NOL9: variants seen among roughly 807,000 people sequenced by gnomAD.
The protein encoded by NOL9 is polynucleotide 5'-hydroxyl-kinase NOL9.
Under a neutral mutation model 67.9 loss-of-function variants are expected in NOL9, and 28 were observed. That is an observed-to-expected ratio of 0.41 (90% CI 0.31 to 0.57). The LOEUF (loss-of-function observed/expected upper bound fraction) is 0.57. Among genes scored for constraint, NOL9 ranks in the 20% least tolerant of loss-of-function variants. The pLI is 0.25. For missense variants in NOL9, 777 were observed against 897.0 expected (o/e 0.87, Z 1.71); for synonymous variants, 356 against 352.2 (o/e 1.01, Z -0.12).
intron 6 of NOL9, among the ~76,000 whole-genome samples, chr1:6,541,307 G>A (rs895311733): frequency 8.6e-5 from 13 of 152,020 alleles, no homozygotes; most frequent in Admixed American, 2.0e-4. Flanking sequence ...TCAGCCTCCC[G>A]AGGAGCTGGG....
chr1:6,535,996 T>A (rs1411500044), intron 6 of NOL9, among the ~76,000 whole-genome samples: 4 of 151,274 alleles, frequency 2.6e-5, no homozygotes, highest in African/African-American at 9.7e-5. Flanking sequence ...TAAAAGAGCA[T>A]GGTCCAGACC....
At chr1:6,545,637 G>A (rs1338711447) in intron 3 of NOL9, among the ~76,000 whole-genome samples, 4 of 152,306 alleles carry the variant, frequency 2.6e-5, no homozygotes, top group Non-Finnish European at 5.9e-5. Flanking sequence ...GAAAGGAAGA[G>A]CAGGCCCTTG....
Position 6,528,076 on chromosome 1 carries a change from G to A in NOL9, c.1825+918C>T, listed in dbSNP as rs115420986. ...TGAAAATGCTTTTGAGAAATACAGT[G>A]TTGTCCAAATCTGAAATGTGCATTT... On this transcript the variant is annotated intron_variant, in intron 10 of 11. Transcript: ENST00000377705. Among the ~76,000 whole-genome samples the A allele has an allele frequency of 3.0e-3, 464 of 152,314 alleles. 3 individuals carry two copies. Among genetic ancestry groups the A allele is most frequent in the African/African-American group, 0.011 (453 of 41,570 alleles).
chr1:6,528,591 G>A (rs1638943422), intron 10 of NOL9, among the ~76,000 whole-genome samples: 1 of 152,218 alleles, frequency 6.6e-6, no homozygotes, highest in Non-Finnish European at 1.5e-5. Context: ...GGGATCCCAG[G>A]TCTGCATGCC....
chr1:6,522,491 A>G lies in NOL9; in HGVS notation c.*3363T>C, dbSNP rs1638791499. On this transcript the variant is annotated 3_prime_UTR_variant, in exon 12 of 12. Transcript: ENST00000377705. ...CTTGAACCCAGGAGGCAGAGGTTGC[A>G]GTGACCTGAGATCAGGCCACTGCAC... is the stretch of plus-strand genomic sequence containing the variant. The G allele has an allele frequency of 6.6e-6, 1 of 152,082 alleles. No individual in the cohort carries two copies. The highest frequency in any genetic ancestry group is 6.5e-5 in the Admixed American group (1 of 15,276). 9.4% of individuals were successfully genotyped at this position (152,082 alleles called of 1,614,324 possible).
rs1008885340 is a variant in NOL9 at position 6,529,078 on chromosome 1, A to G, written c.1741T>C (p.Cys581Arg). 2 of 1,614,168 alleles carry G rather than the reference A, an allele frequency of 1.2e-6. No individual in the cohort carries two copies. Among genetic ancestry groups the G allele is most frequent in the Non-Finnish European group, 1.7e-6 (2 of 1,180,028 alleles). The change falls in exon 10 of 12, where the codon TGC becomes CGC. Residue 581 changes from cysteine to arginine, a missense_variant. By Grantham distance (180) the Cys-to-Arg change is radical. Around this residue, in one of 2 missense-constraint regions of NOL9, gnomAD observed 413 missense variants for 552.6 expected, o/e 0.75. Transcript: ENST00000377705. ...CCTCTGACGTCATCCTGGATCTTGCAAAGACCAACCCAGCTGGCGTTTACA... is the reference window on the plus strand; with the variant it reads ...CCTCTGACGTCATCCTGGATCTTGCGAAGACCAACCCAGCTGGCGTTTACA... ...YAVNASWVGLCKIQDDVRGYT... is the reference protein window; with the variant it reads ...YAVNASWVGLRKIQDDVRGYT...
intron 1 of NOL9, 133 bp downstream of exon 1, chr1:6,553,974 T>C (rs1210569945): frequency 5.9e-6 from 4 of 678,444 alleles, no homozygotes; most frequent in African/African-American, 1.9e-5. Context: ...ATCAAGAGGA[T>C]GGACTTGAAT....
At chr1:6,541,606 C>A (rs188586270) in intron 6 of NOL9, among the ~76,000 whole-genome samples, 1 of 152,180 alleles carries the variant, frequency 6.6e-6, no homozygotes, top group Non-Finnish European at 1.5e-5. Context: ...CCATACCCAA[C>A]TAATTTCATA....
At chr1:6,541,386 T>A (rs944726108) in intron 6 of NOL9, among the ~76,000 whole-genome samples, 1 of 152,188 alleles carries the variant, frequency 6.6e-6, no homozygotes, top group African/African-American at 2.4e-5. Flanking sequence ...TTCCCCATGT[T>A]GGCCAGGCTT....
chr1:6,540,186 G>A (rs1639250735), intron 6 of NOL9, among the ~76,000 whole-genome samples: 1 of 145,692 alleles, frequency 6.9e-6, no homozygotes, highest in Non-Finnish European at 1.5e-5. Context: ...GCAGTGGTGA[G>A]AGCTCAGCTC....
At chr1:6,544,561 A>ATG (rs1639379045) in intron 5 of NOL9, among the ~76,000 whole-genome samples, 2 of 126,500 alleles carry the variant, frequency 1.6e-5, no homozygotes, top group African/African-American at 3.3e-5. Flanking sequence ...CCCGCCCCCC[A>ATG]CCCCAGAACT....
At chr1:6,536,837 T>A (rs1022822282) in intron 6 of NOL9, among the ~76,000 whole-genome samples, 3 of 152,072 alleles carry the variant, frequency 2.0e-5, no homozygotes. Flanking sequence ...TAAATATTTT[T>A]AAATTAATTT....
chr1:6,527,921 ACTCCGT>A (rs942518247), intron 10 of NOL9, among the ~76,000 whole-genome samples: 1 of 151,754 alleles, frequency 6.6e-6, no homozygotes, highest in African/African-American at 2.4e-5. Context: ...ACAGAGCAAG[ACTCCGT>A]CTCGGAAAAA....
rs923268053 is a variant in NOL9, at chr1:6,548,704, T to C, written c.744+867A>G. The C allele has an allele frequency of 6.7e-5, 12 of 179,066 alleles. No homozygotes were observed. In the East Asian group the frequency reaches 1.9e-3, roughly 28 times the overall value. 11.1% of individuals were successfully genotyped at this position (179,066 alleles called of 1,614,324 possible). Reference sequence around the variant, plus strand: ...GGAAAGAGATAAAAGAAAATATAAGTTCATTTAAACTACTCATTCATAGTT... The same window carrying C: ...GGAAAGAGATAAAAGAAAATATAAGCTCATTTAAACTACTCATTCATAGTT... On this transcript the variant is annotated intron_variant, in intron 3 of 11. Coordinates refer to ENST00000377705, the MANE Select transcript of NOL9 (RefSeq NM_024654.5).
rs758370979 is a variant in NOL9, at chr1:6,532,025, C to A, written c.1590G>T (p.Gln530His). Residue 530 changes from glutamine (Q) to histidine (H), a missense_variant, in exon 9 of 12, where the codon CAG (glutamine) becomes CAT (histidine). Coordinates refer to ENST00000377705, the MANE Select transcript of NOL9 (RefSeq NM_024654.5). ...GTGGTTTGGGCATCGGGGGCTGCAG[C>A]TGGCTAAGGTAACTCAAGATGGACA... ...RDLSILSYLS[Q>H]LQPPMPKPLS... The A allele has an allele frequency of 3.7e-6, 6 of 1,614,172 alleles. No individual in the cohort carries two copies. The highest frequency in any genetic ancestry group is 2.2e-5 in the South Asian group (2 of 91,084).
At chr1:6,548,544 A>C (rs1639470890) in intron 3 of NOL9, 3 of 351,736 alleles carry the variant, frequency 8.5e-6, no homozygotes, top group Non-Finnish European at 1.7e-5. Context: ...GACAGGATCA[A>C]GCGTGCTTTC....
chr1:6,545,420 G>T (rs1639397286), intron 3 of NOL9, among the ~76,000 whole-genome samples: 1 of 152,202 alleles, frequency 6.6e-6, no homozygotes, highest in South Asian at 2.1e-4. Context: ...AGACTCCAGA[G>T]AAAAAGAAAA....
chr1:6,551,435 C>T (rs1045573916), intron 1 of NOL9, among the ~76,000 whole-genome samples: 1 of 150,082 alleles, frequency 6.7e-6, no homozygotes, highest in African/African-American at 2.5e-5. Context: ...CCCGCCACCA[C>T]CATCTCTACT....
intron 3 of NOL9, 46 bp downstream of exon 3, chr1:6,549,525 T>C (rs113492298): frequency 6.2e-7 from 1 of 1,605,844 alleles, no homozygotes. Context: ...AAATCACTGT[T>C]TTGGTGCAAG....
Sources: gnomAD v4.1 joint callset for allele counts (sites outside exome capture counted in the v4.1 genomes callset) on GRCh38, gnomAD v4.1.1 for gene constraint, gnomAD v4.1.1 regional missense constraint, MANE v1.5 for transcripts, NCBI Gene and HGNC (gene_info 2026-07-23, HGNC 2026-07-21) for gene names.